RBFOX1: variants seen among roughly 807,000 people sequenced by gnomAD.
The protein encoded by RBFOX1 is RNA binding protein fox-1 homolog 1.
Under a neutral mutation model 57.7 loss-of-function variants are expected in RBFOX1, and 8 were observed. The ratio of observed to expected loss-of-function variants is 0.14; its 90% confidence interval spans 0.08 to 0.25. RBFOX1 has a LOEUF of 0.25. Ranked by LOEUF, RBFOX1 falls within the 10% of genes least tolerant of loss-of-function variation. The pLI is 1.00. For synonymous variants in RBFOX1, 326 were observed against 222.4 expected (o/e 1.47, Z -4.15); for missense variants, 611 against 548.5 (o/e 1.11, Z -1.14).
intron 4 of RBFOX1, among the ~76,000 whole-genome samples, chr16:7,174,055 G>A (rs961237763): frequency 2.6e-5 from 4 of 152,198 alleles, no homozygotes; most frequent in African/African-American, 9.6e-5. Flanking sequence ...CATCTGCTTT[G>A]TGTTAAATGC....
chr16:7,483,375 T>C (rs187381031), intron 4 of RBFOX1, among the ~76,000 whole-genome samples: 28 of 152,358 alleles, frequency 1.8e-4, no homozygotes, highest in South Asian at 6.2e-4. Flanking sequence ...GCAAGTTATT[T>C]ATCTCTTCTA....
intron 3 of RBFOX1, among the ~76,000 whole-genome samples, chr16:6,664,179 G>A (rs747756858): frequency 1.3e-5 from 2 of 152,136 alleles, no homozygotes; most frequent in Non-Finnish European, 2.9e-5. Context: ...GCCAAGGAAT[G>A]GGACAAAGAG....
chr16:7,485,506 G>C (rs763378245), intron 4 of RBFOX1, among the ~76,000 whole-genome samples: 3 of 152,178 alleles, frequency 2.0e-5, no homozygotes, highest in East Asian at 1.9e-4. Context: ...TAACATGACA[G>C]GGAATGAGGT....
At chr16:6,404,867 C>T (rs530165386) in intron 2 of RBFOX1, among the ~76,000 whole-genome samples, 25 of 152,312 alleles carry the variant, frequency 1.6e-4, no homozygotes, top group Non-Finnish European at 1.3e-4. Context: ...ATACTTAAAC[C>T]TTCGTGGATC....
intron 3 of RBFOX1, among the ~76,000 whole-genome samples, chr16:6,821,059 C>T (rs528525782): frequency 6.6e-6 from 1 of 152,246 alleles, no homozygotes; most frequent in East Asian, 1.9e-4. Context: ...TATATATTTC[C>T]AGTGTGAGAA....
chr16:7,498,392 G>C (rs948866748), intron 4 of RBFOX1, among the ~76,000 whole-genome samples: 2 of 151,962 alleles, frequency 1.3e-5, no homozygotes, highest in East Asian at 3.9e-4. Flanking sequence ...AGTATAGCTA[G>C]CATTGTCCAA....
At chr16:6,119,406 T>A (rs1359610366) in intron 1 of RBFOX1, among the ~76,000 whole-genome samples, 1 of 152,200 alleles carries the variant, frequency 6.6e-6, no homozygotes, top group Non-Finnish European at 1.5e-5. Flanking sequence ...TTACTAGTGA[T>A]ATTAGCCTTG....
intron 1 of RBFOX1, among the ~76,000 whole-genome samples, chr16:5,259,987 G>C (rs1314740644): frequency 6.6e-6 from 1 of 152,150 alleles, no homozygotes; most frequent in East Asian, 1.9e-4. Context: ...GATCACTTGA[G>C]GCCGAGAGTT....
intron 3 of RBFOX1, among the ~76,000 whole-genome samples, chr16:6,993,389 T>G (rs780037298): frequency 6.6e-6 from 1 of 152,104 alleles, no homozygotes; most frequent in Non-Finnish European, 1.5e-5. Flanking sequence ...GGTAATAAAT[T>G]CATTTGCTTG....
chr16:5,768,624 C>T (rs945348750), intron 3 of RBFOX1, among the ~76,000 whole-genome samples: 1 of 152,124 alleles, frequency 6.6e-6, no homozygotes, highest in Non-Finnish European at 1.5e-5. Context: ...TGCATCATAG[C>T]CAAAATCTGC....
rs1420326781 is a variant in RBFOX1 at position 6,366,253 on chromosome 16, G to GGT, written c.-64+49197_-64+49198dup. ...TATGTCTTGATATGTATATCTGGAAGGTATATATCTTGTTTTTCCCTTGCT... is the reference window on the plus strand; with the variant it reads ...TATGTCTTGATATGTATATCTGGAAGGTGTATATATCTTGTTTTTCCCTTGCT... On this transcript the variant is annotated intron_variant, in intron 2 of 15. Transcript: ENST00000550418. 3.9e-5 allele frequency among the ~76,000 whole-genome samples: 6 copies of GGT among 152,082 alleles called. No individual in the cohort carries two copies. The South Asian group carries it at 1.0e-3, about 26-fold the overall frequency.
At position 6,834,733 on chromosome 16, in the gene RBFOX1, C is replaced by T. The variant is rs150383556; in HGVS notation, c.-16+180083C>T. On this transcript the variant is annotated intron_variant, in intron 3 of 15. Coordinates refer to ENST00000550418, the MANE Select transcript of RBFOX1 (RefSeq NM_018723.4). ...ATCTGGAGTTAAGCGTCCTCTCTGA[C>T]CTGCGACTGCTCGTGAGACAGTTGC... Among the ~76,000 whole-genome samples, 44 of 152,184 alleles carry T rather than the reference C, an allele frequency of 2.9e-4. 1 individual carries two copies. Among genetic ancestry groups the T allele is most frequent in the African/African-American group, 1.1e-3 (44 of 41,522 alleles).
chr16:6,898,805 A>G (rs777892046), intron 3 of RBFOX1, among the ~76,000 whole-genome samples: 22 of 151,820 alleles, frequency 1.4e-4, no homozygotes, highest in Middle Eastern at 3.2e-3. Context: ...GTGTCTGTAT[A>G]ACGTGCATGT....
chr16:6,040,712 A>C (rs2095427209), intron 1 of RBFOX1, among the ~76,000 whole-genome samples: 1 of 149,826 alleles, frequency 6.7e-6, no homozygotes, highest in South Asian at 2.1e-4. Context: ...CTCCTGCCTT[A>C]GACTCCTGAG....
intron 4 of RBFOX1, among the ~76,000 whole-genome samples, chr16:7,310,121 G>T (rs2096275207): frequency 6.6e-6 from 1 of 152,182 alleles, no homozygotes; most frequent in Admixed American, 6.5e-5. Context: ...GCCCAGAAGA[G>T]CCCTGGCCCT....
intron 4 of RBFOX1, among the ~76,000 whole-genome samples, chr16:7,326,468 T>G (rs553097866): frequency 1.2e-4 from 19 of 152,166 alleles, no homozygotes; most frequent in Non-Finnish European, 1.9e-4. Flanking sequence ...GGTGGGGCAC[T>G]GAAGACAGAC....
chr16:5,569,251 C>G (rs1371309038), intron 2 of RBFOX1, among the ~76,000 whole-genome samples: 4 of 151,840 alleles, frequency 2.6e-5, no homozygotes, highest in Admixed American at 2.6e-4. Context: ...ACTGACCAAC[C>G]CCGGTGTAGA....
chr16:5,877,158 C>T (rs1047841577), intron 4 of RBFOX1, among the ~76,000 whole-genome samples: 1 of 152,174 alleles, frequency 6.6e-6, no homozygotes, highest in South Asian at 2.1e-4. Flanking sequence ...TGTCTGCTCT[C>T]CAGGCTAGGC....
At chr16:7,068,123 C>T (rs1308563038) in intron 4 of RBFOX1, among the ~76,000 whole-genome samples, 1 of 151,838 alleles carries the variant, frequency 6.6e-6, no homozygotes, top group African/African-American at 2.4e-5. Flanking sequence ...TTGGGTCCAC[C>T]CAGATTATCC....
Sources: gnomAD v4.1 joint callset for allele counts (sites outside exome capture counted in the v4.1 genomes callset) on GRCh38, gnomAD v4.1.1 for gene constraint, MANE v1.5 for transcripts, NCBI Gene and HGNC (gene_info 2026-07-23, HGNC 2026-07-21) for gene names.